PTPRT: variants seen among roughly 807,000 people sequenced by gnomAD.
The protein encoded by PTPRT is protein tyrosine phosphatase receptor type T.
Under a neutral mutation model 176.8 loss-of-function variants are expected in PTPRT, and 56 were observed. The observed-to-expected ratio is 0.32, with a 90% CI of 0.26 to 0.40. The LOEUF is 0.40. Ranked by LOEUF, PTPRT falls within the 10% of genes least tolerant of loss-of-function variation. The pLI is 1.00. For synonymous variants in PTPRT, 783 were observed against 739.0 expected, an observed-to-expected ratio of 1.06 and a Z score of -0.96; for missense variants, 1,540 against 1,908.2, an observed-to-expected ratio of 0.81 and a Z score of 3.60.
intron 1 of PTPRT, among the ~76,000 whole-genome samples, chr20:42,889,493 T>C (rs2079156440): frequency 6.6e-6 from 1 of 152,226 alleles, no homozygotes; most frequent in Admixed American, 6.5e-5. Context: ...CCAGGATTTG[T>C]CATCACTTAT....
intron 1 of PTPRT, among the ~76,000 whole-genome samples, chr20:42,900,997 C>A (rs1422528559): frequency 6.6e-6 from 1 of 152,188 alleles, no homozygotes; most frequent in Non-Finnish European, 1.5e-5. Context: ...CTGCTCTCCA[C>A]TATCTCAAGC....
chr20:42,288,336 G>C (rs1311036928), intron 12 of PTPRT, among the ~76,000 whole-genome samples: 1 of 103,454 alleles, frequency 9.7e-6, no homozygotes, highest in African/African-American at 4.4e-5. Flanking sequence ...GAATTCTGCA[G>C]AGTTTTTTTG....
intron 1 of PTPRT, among the ~76,000 whole-genome samples, chr20:42,994,553 G>C (rs1306854063): frequency 6.6e-6 from 1 of 152,022 alleles, no homozygotes; most frequent in Non-Finnish European, 1.5e-5. Context: ...TCATACCTTA[G>C]AGAGCCAGAT....
chr20:42,612,377 C>A (rs1034251045), intron 7 of PTPRT, among the ~76,000 whole-genome samples: 1 of 152,052 alleles, frequency 6.6e-6, no homozygotes, highest in Non-Finnish European at 1.5e-5. Flanking sequence ...GGGAGAAACA[C>A]CCCCCACCCC....
At chr20:42,790,405 A>ATT (rs11475849) in intron 3 of PTPRT, among the ~76,000 whole-genome samples, 18,250 of 147,574 alleles carry the variant, frequency 0.12, 1,135 homozygotes, top group South Asian at 0.21. Context: ...CATTGCCATG[A>ATT]TTTTTTTTTT....
At chr20:42,520,526 C>G (rs1041211620) in intron 7 of PTPRT, among the ~76,000 whole-genome samples, 1 of 152,114 alleles carries the variant, frequency 6.6e-6, no homozygotes, top group Non-Finnish European at 1.5e-5. Flanking sequence ...CCTTCAGTCT[C>G]TTCTAGTCTA....
chr20:43,090,864 T>G (rs1252510677), intron 1 of PTPRT, among the ~76,000 whole-genome samples: 1 of 151,926 alleles, frequency 6.6e-6, no homozygotes, highest in Non-Finnish European at 1.5e-5. Context: ...TATATATACT[T>G]CACAGAAATG....
chr20:42,555,610 C>T lies in PTPRT; in HGVS notation c.1154-83048G>A, dbSNP rs6130163. Among the ~76,000 whole-genome samples, 42 of 152,230 alleles carry T rather than the reference C, an allele frequency of 2.8e-4. No individual in the cohort carries two copies. The East Asian group carries it at 6.6e-3, about 24-fold the overall frequency. On this transcript the variant is annotated intron_variant, in intron 7 of 30. Transcript: ENST00000373187. The stretch of plus-strand genomic sequence containing the variant: ...CTATGCATCCCGGCATCCCGGACAC[C>T]GCCACGTAACTTATAGTCCTTCCCC...
At chr20:43,084,443 G>T (rs994936181) in intron 1 of PTPRT, among the ~76,000 whole-genome samples, 26 of 152,284 alleles carry the variant, frequency 1.7e-4, no homozygotes, top group African/African-American at 6.0e-4. Context: ...AGGAGACAGA[G>T]CAAGCAATGG....
intron 6 of PTPRT, among the ~76,000 whole-genome samples, chr20:42,706,117 G>A (rs1183757978): frequency 2.0e-5 from 3 of 151,736 alleles, no homozygotes; most frequent in African/African-American, 7.3e-5. Context: ...GGTCATGTAT[G>A]TCTGTCTGTC....
chr20:42,785,650 C>A (rs1441603085), intron 3 of PTPRT, among the ~76,000 whole-genome samples: 1 of 152,120 alleles, frequency 6.6e-6, no homozygotes, highest in Non-Finnish European at 1.5e-5. Flanking sequence ...CTGCTCTCAG[C>A]CAAGGAAATG....
intron 1 of PTPRT, among the ~76,000 whole-genome samples, chr20:43,054,491 C>T (rs1057094807): frequency 7.3e-5 from 11 of 149,974 alleles, no homozygotes; most frequent in African/African-American, 2.0e-4. Flanking sequence ...AACGTCAAGG[C>T]GGCAGTGGGC....
At chr20:42,721,711 G>A (rs886403052) in intron 6 of PTPRT, among the ~76,000 whole-genome samples, 1 of 152,238 alleles carries the variant, frequency 6.6e-6, no homozygotes, top group Admixed American at 6.5e-5. Context: ...TCATGAGCCA[G>A]TTTCATAGTC....
intron 9 of PTPRT, among the ~76,000 whole-genome samples, chr20:42,409,523 T>C (rs1030278178): frequency 1.5e-5 from 2 of 137,654 alleles, no homozygotes; most frequent in Admixed American, 1.5e-4. Flanking sequence ...AAAAAAGTAT[T>C]ATTTATACAA....
intron 1 of PTPRT, among the ~76,000 whole-genome samples, chr20:43,008,660 C>T (rs1984976940): frequency 6.6e-6 from 1 of 152,074 alleles, no homozygotes; most frequent in South Asian, 2.1e-4. Flanking sequence ...CACTGCACTC[C>T]AGCCTAGGCA....
chr20:42,182,680 C>T (rs1319207614), intron 16 of PTPRT, among the ~76,000 whole-genome samples: 2 of 152,146 alleles, frequency 1.3e-5, no homozygotes, highest in Admixed American at 6.6e-5. Context: ...TGAATAAGAA[C>T]ACTCATTTCA....
chr20:42,770,166 A>T (rs913816287), intron 5 of PTPRT, among the ~76,000 whole-genome samples: 1 of 152,250 alleles, frequency 6.6e-6, no homozygotes, highest in Non-Finnish European at 1.5e-5. Context: ...CTGGTTGCCC[A>T]GGCTGGAGGG....
chr20:43,114,054 T>C (rs926508810), intron 1 of PTPRT, among the ~76,000 whole-genome samples: 1 of 152,188 alleles, frequency 6.6e-6, no homozygotes, highest in Non-Finnish European at 1.5e-5. Flanking sequence ...CTTACACACA[T>C]ACACAAACTT....
intron 14 of PTPRT, among the ~76,000 whole-genome samples, chr20:42,242,099 C>G (rs960871608): frequency 1.3e-5 from 2 of 152,154 alleles, no homozygotes; most frequent in African/African-American, 4.8e-5. Context: ...TTCTGATTGT[C>G]TACCCAGAAA....
Sources: allele counts gnomAD v4.1 joint callset (sites outside exome capture counted in the v4.1 genomes callset), GRCh38; gene constraint gnomAD v4.1.1; transcripts MANE v1.5; gene names NCBI Gene and HGNC (gene_info 2026-07-23, HGNC 2026-07-21).